The following ATG4C variants were observed in gnomAD, a reference collection of about 807,000 sequenced individuals.
The protein encoded by ATG4C is autophagy related 4C cysteine peptidase.
Under a neutral mutation model 57.6 loss-of-function variants are expected in ATG4C, and 56 were observed. That is an observed-to-expected ratio of 0.97 (90% CI 0.78 to 1.21). ATG4C has a LOEUF of 1.21. ATG4C is among the 50% of genes most tolerant of loss of function. ATG4C has a pLI of 0.00. For synonymous variants in ATG4C, 157 were observed against 174.1 expected (o/e 0.90, Z 0.78); for missense variants, 595 against 529.8 (o/e 1.12, Z -1.21).
intron 10 of ATG4C, among the ~76,000 whole-genome samples, chr1:62,850,066 A>G (rs1355684359): frequency 6.6e-6 from 1 of 152,162 alleles, no homozygotes; most frequent in Non-Finnish European, 1.5e-5. Flanking sequence ...TGTTCATCCA[A>G]AGAAATTATG....
intron 6 of ATG4C, among the ~76,000 whole-genome samples, chr1:62,823,748 G>T (rs1219674115): frequency 6.6e-6 from 1 of 152,008 alleles, no homozygotes; most frequent in East Asian, 1.9e-4. Flanking sequence ...CCATTCCTTA[G>T]ACATGGTGTC....
intron 3 of ATG4C, among the ~76,000 whole-genome samples, chr1:62,810,673 T>C (rs1341275649): frequency 6.6e-6 from 1 of 151,876 alleles, no homozygotes; most frequent in Non-Finnish European, 1.5e-5. Context: ...TACTTTTCAG[T>C]ATCAGATAGG....
At position 62,816,777 on chromosome 1, in the gene ATG4C, T is replaced by A. The variant is rs1335918085; in HGVS notation, c.363T>A (p.Ala121=). ...CTLRTGQMLL[A]QGLILHFLGR... ...TGAGAACTGGCCAGATGCTCTTGGC[T>A]CAAGGACTCATACTACACTTTCTTG... is the stretch of plus-strand genomic sequence containing the variant. The change falls in exon 4 of 11, where the codon GCT becomes GCA. Residue 121 remains alanine (A), a synonymous_variant. Coordinates refer to ENST00000317868, the MANE Select transcript of ATG4C (RefSeq NM_032852.4). 1 of 1,606,934 alleles carries A rather than the reference T, an allele frequency of 6.2e-7. No individual in the cohort carries two copies. The highest frequency in any genetic ancestry group is 8.5e-7 in the Non-Finnish European group (1 of 1,176,158).
chr1:62,807,620 C>T (rs142040107), intron 3 of ATG4C, among the ~76,000 whole-genome samples: 2 of 152,308 alleles, frequency 1.3e-5, no homozygotes, highest in Non-Finnish European at 2.9e-5. Flanking sequence ...ACATCCACCT[C>T]CTGGGAGGGT....
intron 1 of ATG4C, among the ~76,000 whole-genome samples, chr1:62,785,790 CTAAT>C (rs768173613): frequency 2.0e-5 from 3 of 151,850 alleles, no homozygotes; most frequent in Non-Finnish European, 4.4e-5. Flanking sequence ...GGGATTATTC[CTAAT>C]TAATGCACAA....
intron 10 of ATG4C, among the ~76,000 whole-genome samples, chr1:62,842,474 T>C (rs561360027): frequency 6.6e-6 from 1 of 152,174 alleles, no homozygotes; most frequent in African/African-American, 2.4e-5. Context: ...GCTAATTTTG[T>C]AATTTTAGTA....
chr1:62,785,649 G>A (rs919481932), intron 1 of ATG4C, among the ~76,000 whole-genome samples: 1 of 152,116 alleles, frequency 6.6e-6, no homozygotes, highest in Non-Finnish European at 1.5e-5. Context: ...TGAGTTTGCA[G>A]CTCGTTTTCT....
chr1:62,860,726 T>C (rs1179065276), intron 10 of ATG4C, among the ~76,000 whole-genome samples: 1 of 152,248 alleles, frequency 6.6e-6, no homozygotes, highest in African/African-American at 2.4e-5. Flanking sequence ...TTTTGCAGTA[T>C]GGGCTGACTT....
At chr1:62,793,597 GAAAAAAA>G (rs746057232) in intron 1 of ATG4C, among the ~76,000 whole-genome samples, 1 of 20,538 alleles carries the variant, frequency 4.9e-5, no homozygotes, top group Non-Finnish European at 8.9e-5. Context: ...ACCTTGTCTC[GAAAAAAA>G]AAAAAAAAAA....
chr1:62,840,702 A>C (rs1051618147), intron 9 of ATG4C, among the ~76,000 whole-genome samples: 2 of 152,200 alleles, frequency 1.3e-5, no homozygotes, highest in Non-Finnish European at 2.9e-5. Flanking sequence ...TCCATTAGCA[A>C]GACAGTAGAG....
At chr1:62,825,779 C>CT (rs1398779665) in intron 6 of ATG4C, among the ~76,000 whole-genome samples, 1 of 152,142 alleles carries the variant, frequency 6.6e-6, no homozygotes, top group African/African-American at 2.4e-5. Context: ...TCTTCCATGT[C>CT]TTTATAAATG....
chr1:62,787,728 T>G (rs1357552732), intron 1 of ATG4C, among the ~76,000 whole-genome samples: 1 of 152,092 alleles, frequency 6.6e-6, no homozygotes, highest in Non-Finnish European at 1.5e-5. Flanking sequence ...AGCCTTTTTT[T>G]TTTTAAATTT....
Position 62,805,245 on chromosome 1 carries a change from T to C in ATG4C, c.150T>C (p.Phe50=). ...TATTGCTTGGAAAATGTTACCATTTTAAATATGAAGGTAAGTACAAAATTT... is the reference window on the plus strand; with the variant it reads ...TATTGCTTGGAAAATGTTACCATTTCAAATATGAAGGTAAGTACAAAATTT... The part of the protein sequence containing the change: ...PVLLLGKCYH[F]KYEDEDKTLP... The change falls in exon 3 of 11, where the codon TTT becomes TTC. Residue 50 remains phenylalanine (F), a synonymous_variant. Transcript: ENST00000317868. 3.3e-6 allele frequency: 5 copies of C among 1,519,802 alleles called. No homozygotes were observed. Among genetic ancestry groups the C allele is most frequent in the Non-Finnish European group, 4.4e-6 (5 of 1,144,688 alleles). 94.1% of individuals were successfully genotyped at this position (1,519,802 alleles called of 1,614,324 possible).
At chr1:62,805,332 A>G in intron 3 of ATG4C, 77 bp downstream of exon 3, 1 of 1,376,074 alleles carries the variant, frequency 7.3e-7, no homozygotes, top group Non-Finnish European at 9.4e-7. Context: ...TTATTTCTAG[A>G]TTAATCTACT....
chr1:62,825,451 C>T (rs749400174), intron 6 of ATG4C, among the ~76,000 whole-genome samples: 2 of 152,102 alleles, frequency 1.3e-5, no homozygotes, highest in Non-Finnish European at 2.9e-5. Flanking sequence ...CCTCTGCCTC[C>T]TTATTCACTC....
chr1:62,802,480 A>G (rs1312866432), intron 1 of ATG4C, among the ~76,000 whole-genome samples: 1 of 150,134 alleles, frequency 6.7e-6, no homozygotes, highest in Admixed American at 6.6e-5. Flanking sequence ...AAAAAAAAAA[A>G]GAAATCCAAA....
intron 10 of ATG4C, among the ~76,000 whole-genome samples, chr1:62,859,339 G>A (rs1666777344): frequency 6.6e-6 from 1 of 152,136 alleles, no homozygotes; most frequent in African/African-American, 2.4e-5. Context: ...AAACTGTATA[G>A]CCTGTTGCTC....
intron 1 of ATG4C, among the ~76,000 whole-genome samples, chr1:62,787,064 T>C (rs1664113481): frequency 6.6e-6 from 1 of 152,178 alleles, no homozygotes; most frequent in South Asian, 2.1e-4. Context: ...ACTGGAAGGA[T>C]TGTTGCACCC....
chr1:62,816,619 G>C lies in ATG4C; in HGVS notation c.205G>C (p.Asp69His). ...TGCAGAGTCGGGATGTACAATAGAG[G>C]ATCACGTAATTGCAGGAAATGTAGA... ...LPAESGCTIE[D>H]HVIAGNVEEF... Residue 69 changes from aspartate to histidine, a missense_variant, in exon 4 of 11, where the codon GAT becomes CAT. Coordinates refer to ENST00000317868, the MANE Select transcript of ATG4C (RefSeq NM_032852.4). 3 of 1,613,640 alleles carry C rather than the reference G, an allele frequency of 1.9e-6. No individual in the cohort carries two copies. The highest frequency in any genetic ancestry group is 2.5e-6 in the Non-Finnish European group (3 of 1,179,768).
Sources: allele counts gnomAD v4.1 joint callset (sites outside exome capture counted in the v4.1 genomes callset), GRCh38; gene constraint gnomAD v4.1.1; transcripts MANE v1.5; gene names NCBI Gene and HGNC (gene_info 2026-07-23, HGNC 2026-07-21).